The following GATAD2A variants were observed in gnomAD, a reference collection of about 807,000 sequenced individuals.
The protein encoded by GATAD2A is transcriptional repressor p66-alpha.
In GATAD2A, 12 loss-of-function variants were observed where a neutral mutation model predicts 68.5. The ratio of observed to expected loss-of-function variants is 0.18; its 90% CI spans 0.11 to 0.28. The LOEUF is 0.28. GATAD2A is among the 10% of genes least tolerant of loss of function. The pLI, the probability that GATAD2A is intolerant of heterozygous loss-of-function variation, is 1.00. For missense variants in GATAD2A, 755 were observed against 868.5 expected (o/e 0.87, Z 1.64); for synonymous variants, 410 against 375.3 (o/e 1.09, Z -1.07).
chr19:19,492,763 G>A lies in GATAD2A; in HGVS notation c.534+51G>A, dbSNP rs774709254. On this transcript the variant is annotated intron_variant, in intron 4 of 11. Coordinates refer to ENST00000683918, the MANE Select transcript of GATAD2A (RefSeq NM_001384528.1). ...TGGGCCAGCAGGAGCGCCTGGCCTT[G>A]CCTTGATCCCCTCATCAATGTCAGC... is the stretch of plus-strand genomic sequence containing the variant. 64 of 1,595,966 alleles carry A rather than the reference G, an allele frequency of 4.0e-5. No individual in the cohort carries two copies. In the Admixed American group the frequency reaches 1.1e-3, roughly 27 times the overall value.
intron 1 of GATAD2A, among the ~76,000 whole-genome samples, chr19:19,420,005 CTTTTTTTTT>C (rs397859927): frequency 2.9e-5 from 2 of 68,712 alleles, no homozygotes; most frequent in South Asian, 5.5e-4. Flanking sequence ...ACCATCTTGA[CTTTTTTTTT>C]TTTTTTTTTT....
intron 8 of GATAD2A, among the ~76,000 whole-genome samples, chr19:19,500,846 A>G (rs1193575328): frequency 6.6e-6 from 1 of 152,206 alleles, no homozygotes. Context: ...TACACAAGCA[A>G]GGGTGCCCAC....
intron 2 of GATAD2A, among the ~76,000 whole-genome samples, chr19:19,481,613 A>G (rs1295956128): frequency 6.6e-6 from 1 of 152,184 alleles, no homozygotes; most frequent in Admixed American, 6.5e-5. Flanking sequence ...GGCATGAACC[A>G]TCGCACCTGG....
chr19:19,445,369 GT>G (rs1387005063), intron 1 of GATAD2A, among the ~76,000 whole-genome samples: 1 of 152,116 alleles, frequency 6.6e-6, no homozygotes, highest in Non-Finnish European at 1.5e-5. Flanking sequence ...TAGTATTTTT[GT>G]TTTTGTTTTC....
At chr19:19,403,285 C>T (rs1351189784), upstream of GATAD2A, among the ~76,000 whole-genome samples, 3 of 152,114 alleles carry the variant, frequency 2.0e-5, no homozygotes, top group Admixed American at 1.3e-4. Flanking sequence ...ATCCAAACAG[C>T]CTCAGCATTC....
chr19:19,439,188 A>T (rs539968660), intron 1 of GATAD2A, among the ~76,000 whole-genome samples: 1 of 152,280 alleles, frequency 6.6e-6, no homozygotes, highest in South Asian at 2.1e-4. Flanking sequence ...ATTTATTCTT[A>T]TGGGCACAGG....
chr19:19,458,889 C>T (rs1336170652), intron 1 of GATAD2A, among the ~76,000 whole-genome samples: 1 of 152,170 alleles, frequency 6.6e-6, no homozygotes, highest in African/African-American at 2.4e-5. Flanking sequence ...GCCAGCTTCC[C>T]CCTCTCTCCA....
intron 2 of GATAD2A, among the ~76,000 whole-genome samples, chr19:19,481,684 T>TTTA (rs1374142661): frequency 1.3e-5 from 2 of 152,236 alleles, no homozygotes; most frequent in Non-Finnish European, 2.9e-5. Context: ...TTATCATTTC[T>TTTA]TGATAGAGTC....
At chr19:19,421,199 G>T (rs1289943795) in intron 1 of GATAD2A, among the ~76,000 whole-genome samples, 1 of 152,140 alleles carries the variant, frequency 6.6e-6, no homozygotes, top group African/African-American at 2.4e-5. Flanking sequence ...CTGGCATAGG[G>T]GTTAGGTAGG....
intron 1 of GATAD2A, among the ~76,000 whole-genome samples, chr19:19,447,339 G>A (rs973168185): frequency 1.3e-5 from 2 of 152,144 alleles, no homozygotes; most frequent in African/African-American, 4.8e-5. Flanking sequence ...AGGGGTGGCT[G>A]GATTATGGTC....
At chr19:19,385,874 G>T (rs2048378515) in exon 1 of GATAD2A, 1 of 151,472 alleles carries the variant, frequency 6.6e-6, no homozygotes, top group Non-Finnish European at 1.5e-5. Flanking sequence ...ACTGAGCTGC[G>T]GCTCCGAGCG....
chr19:19,448,104 G>A (rs1304502485), intron 1 of GATAD2A, among the ~76,000 whole-genome samples: 2 of 152,218 alleles, frequency 1.3e-5, no homozygotes, highest in Non-Finnish European at 1.5e-5. Flanking sequence ...GTAGGCTCAC[G>A]GTCCAGGAGG....
upstream of GATAD2A, among the ~76,000 whole-genome samples, chr19:19,401,122 C>T (rs564769877): frequency 1.7e-5 from 2 of 118,316 alleles, no homozygotes; most frequent in African/African-American, 6.8e-5. Flanking sequence ...CCTAGGGCAA[C>T]GAGCGAGACT....
chr19:19,458,113 CTTTACTTT>C (rs2057103563), intron 1 of GATAD2A, among the ~76,000 whole-genome samples: 1 of 152,182 alleles, frequency 6.6e-6, no homozygotes, highest in Non-Finnish European at 1.5e-5. Flanking sequence ...TCTGGTGTGT[CTTTACTTT>C]TCAGGCCACC....
intron 1 of GATAD2A, among the ~76,000 whole-genome samples, chr19:19,411,170 C>T (rs1455380256): frequency 1.3e-5 from 2 of 152,238 alleles, no homozygotes; most frequent in Non-Finnish European, 2.9e-5. Flanking sequence ...GCAAAGTTCC[C>T]CACAGGAGGT....
At chr19:19,438,295 G>A (rs2054601633) in intron 1 of GATAD2A, among the ~76,000 whole-genome samples, 1 of 152,216 alleles carries the variant, frequency 6.6e-6, no homozygotes, top group Non-Finnish European at 1.5e-5. Flanking sequence ...ACCCAGGCTG[G>A]AGTGCAGTGG....
intron 7 of GATAD2A, among the ~76,000 whole-genome samples, 162 bp downstream of exon 7, chr19:19,496,381 G>A (rs993527642): frequency 7.2e-5 from 11 of 152,300 alleles, no homozygotes; most frequent in Admixed American, 1.3e-4. Flanking sequence ...GAGCTCCTGG[G>A]GGCCACAGGG....
intron 1 of GATAD2A, among the ~76,000 whole-genome samples, chr19:19,441,248 C>T (rs570110857): frequency 7.9e-4 from 120 of 152,154 alleles, no homozygotes; most frequent in African/African-American, 2.7e-3. Flanking sequence ...TTTTTGGAAT[C>T]CTGGTTTTGG....
At chr19:19,422,313 C>G (rs558786991) in intron 1 of GATAD2A, among the ~76,000 whole-genome samples, 3 of 152,348 alleles carry the variant, frequency 2.0e-5, no homozygotes, top group Non-Finnish European at 4.4e-5. Context: ...CCTTTGCTAT[C>G]TGGCTCCTCT....
Sources: gnomAD v4.1 joint callset for allele counts (sites outside exome capture counted in the v4.1 genomes callset) on GRCh38, gnomAD v4.1.1 for gene constraint, MANE v1.5 for transcripts, NCBI Gene and HGNC (gene_info 2026-07-23, HGNC 2026-07-21) for gene names.